Variants in OPCML observed in about 807,000 individuals in gnomAD.
OPCML encodes opioid-binding protein/cell adhesion molecule.
In OPCML, 13 loss-of-function variants were observed where a neutral mutation model predicts 37.8. That is an observed-to-expected ratio of 0.34 (90% CI 0.22 to 0.55). The LOEUF is 0.55. Ranked by LOEUF, OPCML falls within the 20% of genes least tolerant of loss-of-function variation. The probability of loss-of-function intolerance (pLI) is 0.91; values close to 1 mark genes in which losing one functional copy is unlikely to be tolerated. For synonymous variants in OPCML, 176 were observed against 168.8 expected (o/e 1.04, Z -0.33); for missense variants, 341 against 435.6 (o/e 0.78, Z 1.93).
intron 2 of OPCML, among the ~76,000 whole-genome samples, chr11:132,730,435 C>T (rs573000901): frequency 1.2e-4 from 19 of 152,076 alleles, no homozygotes; most frequent in Middle Eastern, 3.4e-3. Context: ...TGAAGAATAG[C>T]GGGTGTGGGA....
intron 1 of OPCML, among the ~76,000 whole-genome samples, chr11:133,400,414 C>T (rs762219129): frequency 5.3e-5 from 8 of 152,122 alleles, no homozygotes; most frequent in South Asian, 4.2e-4. Flanking sequence ...TTGCTCCTTC[C>T]GCTAAATTAT....
At chr11:132,777,096 C>G (rs899088010) in intron 2 of OPCML, among the ~76,000 whole-genome samples, 2 of 152,180 alleles carry the variant, frequency 1.3e-5, no homozygotes, top group African/African-American at 4.8e-5. Context: ...TTATAAGCTC[C>G]TTAAGGACTG....
chr11:132,419,117 G>A lies in OPCML; in HGVS notation c.*1076C>T, dbSNP rs2095948576. 1 of 152,622 alleles carries A rather than the reference G, an allele frequency of 6.6e-6. No homozygotes were observed. Among genetic ancestry groups the A allele is most frequent in the Non-Finnish European group, 1.5e-5 (1 of 68,048 alleles). The allele number at this position is 152,622 out of a possible 1,614,324, so 9.5% of individuals were successfully genotyped here. On this transcript the variant is annotated 3_prime_UTR_variant, in exon 8 of 8. Transcript: ENST00000524381. The stretch of plus-strand genomic sequence containing the variant: ...ACCTGTGAGATCGTTGGCTTTCACA[G>A]AAGTTGAAAGATAATTTTGAAGATG...
chr11:133,487,804 C>CGT (rs1947562542), intron 1 of OPCML, among the ~76,000 whole-genome samples: 1 of 129,188 alleles, frequency 7.7e-6, no homozygotes, highest in Admixed American at 8.0e-5. Flanking sequence ...TGTGTGTGTG[C>CGT]GTGTGTGTAA....
intron 1 of OPCML, among the ~76,000 whole-genome samples, chr11:132,954,982 T>A (rs1000729448): frequency 6.6e-6 from 1 of 152,102 alleles, no homozygotes; most frequent in Non-Finnish European, 1.5e-5. Context: ...TGGACAACCA[T>A]GCTTTTGATC....
chr11:133,451,252 A>T lies in OPCML; in HGVS notation c.61+81012T>A, dbSNP rs189682639. Among the ~76,000 whole-genome samples the T allele has an allele frequency of 1.6e-3, 240 of 151,854 alleles. 11 individuals carry two copies. The highest frequency in any genetic ancestry group is 6.8e-3 in the Middle Eastern group (2 of 294). The stretch of plus-strand genomic sequence containing the variant: ...CACAACAAAATTAAAGGAGAGAAAA[A>T]CCACTACCTGAAGGTACTGCAAACA... On this transcript the variant is annotated intron_variant, in intron 1 of 7. Coordinates refer to ENST00000524381, the MANE Select transcript of OPCML (RefSeq NM_001012393.5).
chr11:133,408,040 T>C (rs2136858375), intron 1 of OPCML, among the ~76,000 whole-genome samples: 1 of 152,244 alleles, frequency 6.6e-6, no homozygotes, highest in African/African-American at 2.4e-5. Context: ...ACATCATCAA[T>C]AGGTTCTTGA....
intron 2 of OPCML, among the ~76,000 whole-genome samples, chr11:132,777,478 T>G (rs1036070725): frequency 2.0e-5 from 3 of 152,190 alleles, no homozygotes; most frequent in Non-Finnish European, 2.9e-5. Context: ...CCACAGTCAT[T>G]CTGGGGCAGG....
chr11:133,359,092 G>A (rs989413273), intron 1 of OPCML, among the ~76,000 whole-genome samples: 4 of 152,042 alleles, frequency 2.6e-5, no homozygotes, highest in African/African-American at 9.7e-5. Flanking sequence ...CTTAACTTAC[G>A]GTCCCCAGAC....
chr11:132,543,047 T>C (rs2096360709), intron 3 of OPCML, among the ~76,000 whole-genome samples: 1 of 125,402 alleles, frequency 8.0e-6, no homozygotes, highest in South Asian at 3.4e-4. Context: ...GTCCATCATC[T>C]TGTCTATTGT....
chr11:132,970,569 G>C (rs1458012508), intron 1 of OPCML, among the ~76,000 whole-genome samples: 1 of 152,032 alleles, frequency 6.6e-6, no homozygotes, highest in South Asian at 2.1e-4. Context: ...TGGCATTCAT[G>C]GATCTTTATA....
chr11:132,794,283 G>T (rs112758584), intron 2 of OPCML, among the ~76,000 whole-genome samples: 46 of 152,230 alleles, frequency 3.0e-4, no homozygotes, highest in African/African-American at 9.6e-4. Context: ...CTCTCTTTAA[G>T]AATCTGTTTC....
At chr11:132,791,691 T>C (rs1291851532) in intron 2 of OPCML, among the ~76,000 whole-genome samples, 1 of 152,202 alleles carries the variant, frequency 6.6e-6, no homozygotes. Flanking sequence ...TGCACTCGGC[T>C]GCCTCATAAA....
chr11:132,441,498 A>T (rs2096035356), intron 4 of OPCML, among the ~76,000 whole-genome samples: 1 of 152,092 alleles, frequency 6.6e-6, no homozygotes, highest in African/African-American at 2.4e-5. Flanking sequence ...AGGCTGTAAG[A>T]CTGCAATATT....
intron 2 of OPCML, among the ~76,000 whole-genome samples, chr11:132,764,999 C>T (rs1409600755): frequency 6.6e-6 from 1 of 152,196 alleles, no homozygotes; most frequent in African/African-American, 2.4e-5. Context: ...TTCCCCCTTG[C>T]ATTTGATTGG....
intron 1 of OPCML, among the ~76,000 whole-genome samples, chr11:133,081,391 C>G (rs1418866269): frequency 6.6e-6 from 1 of 152,190 alleles, no homozygotes; most frequent in Non-Finnish European, 1.5e-5. Context: ...GGAACTGAGG[C>G]TGATGATTCT....
intron 2 of OPCML, among the ~76,000 whole-genome samples, chr11:132,801,802 T>G (rs1938665154): frequency 6.6e-6 from 1 of 152,188 alleles, no homozygotes; most frequent in African/African-American, 2.4e-5. Flanking sequence ...CTTTATTGAG[T>G]GCTATTATGT....
intron 1 of OPCML, among the ~76,000 whole-genome samples, chr11:133,412,755 A>C (rs747544435): frequency 6.6e-6 from 1 of 152,216 alleles, no homozygotes; most frequent in Non-Finnish European, 1.5e-5. Context: ...ATGAGATTGG[A>C]ATCAAGTAGC....
intron 1 of OPCML, chr11:133,421,312 C>A (rs1321737784): frequency 1.0e-6 from 1 of 985,138 alleles, no homozygotes; most frequent in African/African-American, 1.7e-5. Context: ...GCTGTGGGCT[C>A]AAGAGAGTGA....
Sources: gnomAD v4.1 joint callset for allele counts (sites outside exome capture counted in the v4.1 genomes callset) on GRCh38, gnomAD v4.1.1 for gene constraint, MANE v1.5 for transcripts, NCBI Gene and HGNC (gene_info 2026-07-23, HGNC 2026-07-21) for gene names.